PCDHGA10: variants seen among roughly 807,000 people sequenced by gnomAD.
PCDHGA10 encodes protocadherin gamma-A10.
In PCDHGA10, 42 loss-of-function variants were observed where a neutral mutation model predicts 59.5. That is an observed-to-expected ratio of 0.71 (90% CI 0.55 to 0.91). The LOEUF (loss-of-function observed/expected upper bound fraction) is 0.91. PCDHGA10 is among the 40% of genes least tolerant of loss of function. The pLI is 0.00. For missense variants in PCDHGA10, 1,111 were observed against 1,198.2 expected, an observed-to-expected ratio of 0.93 and a Z score of 1.07; for synonymous variants, 511 against 517.2, an observed-to-expected ratio of 0.99 and a Z score of 0.16.
At chr5:141,423,977 G>A in intron 1 of PCDHGA10, 4 of 1,121,548 alleles carry the variant, frequency 3.6e-6, no homozygotes, top group Non-Finnish European at 4.4e-6. Context: ...ATCAGTGTAT[G>A]AGGCTCTCAA....
chr5:141,421,614 T>C (rs552534116), intron 1 of PCDHGA10: 3 of 1,613,810 alleles, frequency 1.9e-6, no homozygotes, highest in South Asian at 2.2e-5. Flanking sequence ...ATATTAATGA[T>C]AACGCCCCCA....
chr5:141,487,633 T>C lies in PCDHGA10; in HGVS notation c.2437-7174T>C. On this transcript the variant is annotated intron_variant, in intron 1 of 3. Transcript: ENST00000398610. The surrounding 1 kb of genome is among the most constrained non-coding windows in gnomAD (Gnocchi z 5.0). ...GGCTAGAGGTGAGACCTTTGCAGGCTCAACAAATGCTTGAGGGTTATTCTG... is the reference window on the plus strand; with the variant it reads ...GGCTAGAGGTGAGACCTTTGCAGGCCCAACAAATGCTTGAGGGTTATTCTG... 3 of 1,614,164 alleles carry C rather than the reference T, an allele frequency of 1.9e-6. No individual in the cohort carries two copies. The highest frequency in any genetic ancestry group is 2.7e-5 in the African/African-American group (2 of 75,052).
intron 2 of PCDHGA10, among the ~76,000 whole-genome samples, chr5:141,495,994 T>C (rs2099765151): frequency 6.6e-6 from 1 of 152,146 alleles, no homozygotes; most frequent in Non-Finnish European, 1.5e-5. Flanking sequence ...ATCTCTCTTT[T>C]TCTTTTATCT....
chr5:141,421,379 AGGACCTGGGGCT>A, intron 1 of PCDHGA10: 1 of 1,614,054 alleles, frequency 6.2e-7, no homozygotes, highest in South Asian at 1.1e-5. Context: ...AATATCTCCA[AGGACCTGGGGCT>A]GGAGCCCCGG....
chr5:141,511,230 C>A lies in PCDHGA10; in HGVS notation c.*57C>A. On this transcript the variant is annotated 3_prime_UTR_variant, in exon 4 of 4. Transcript: ENST00000398610. ...CCTCTCCCCAACCAGCCCAGCTTCT[C>A]CTTACCTGCACCCAGGCCTCAGAGT... 6.3e-7 allele frequency: 1 copy of A among 1,597,914 alleles called. No homozygotes were observed. The highest frequency in any genetic ancestry group is 1.1e-5 in the South Asian group (1 of 89,144).
In PCDHGA10 at chr5:141,413,841, T is replaced by G; in HGVS notation, c.666T>G (p.Gly222=). The G allele has an allele frequency of 6.2e-7, 1 of 1,613,060 alleles. No homozygotes were observed. The highest frequency in any genetic ancestry group is 8.5e-7 in the Non-Finnish European group (1 of 1,179,824). The stretch of plus-strand genomic sequence containing the variant: ...TGGTCCTCACCGCCTCCGACGGGGG[T>G]GACCCTCTCCGATCTGGCACTGTCC... ...HHLVLTASDG[G]DPLRSGTVLV... Residue 222 remains glycine (G), a synonymous_variant, in exon 1 of 4, where the codon GGT becomes GGG. Transcript: ENST00000398610.
chr5:141,487,348 C>T lies in PCDHGA10; in HGVS notation c.2437-7459C>T, dbSNP rs929693998. ...GTGGGGCAGCCTGTGGAGTCACATG[C>T]TTTCCTGCTGGCACCTGTGCCTGTC... On this transcript the variant is annotated intron_variant, in intron 1 of 3. Coordinates refer to ENST00000398610, the MANE Select transcript of PCDHGA10 (RefSeq NM_018913.3). The surrounding 1 kb of genome is among the most constrained non-coding windows in gnomAD (Gnocchi z 5.0). The T allele has an allele frequency of 2.5e-6, 4 of 1,614,080 alleles. No homozygotes were observed. The highest frequency in any genetic ancestry group is 2.2e-5 in the East Asian group (1 of 44,882).
At position 141,511,187 on chromosome 5, in the gene PCDHGA10, C is replaced by T; in HGVS notation, c.*14C>T. The stretch of plus-strand genomic sequence containing the variant: ...GAGAAGAAGTAACATGGAGGCCAGG[C>T]CAAGAGCCACAGGGCGGCCTCTCCC... On this transcript the variant is annotated 3_prime_UTR_variant, in exon 4 of 4. Transcript: ENST00000398610. The T allele has an allele frequency of 1.2e-6, 2 of 1,613,868 alleles. No homozygotes were observed. The highest frequency in any genetic ancestry group is 1.7e-6 in the Non-Finnish European group (2 of 1,179,878).
Position 141,414,982 on chromosome 5 carries a change from G to A in PCDHGA10, c.1807G>A (p.Gly603Ser), listed in dbSNP as rs1415279007. ...TKVVAVDRDS[G>S]QNAWLSYRLL... ...GGTGGTGGCGGTGGACAGAGACTCCGGCCAGAACGCCTGGCTGTCCTACCG... is the reference window on the plus strand; with the variant it reads ...GGTGGTGGCGGTGGACAGAGACTCCAGCCAGAACGCCTGGCTGTCCTACCG... The change falls in exon 1 of 4, where the codon GGC (glycine) becomes AGC (serine). Residue 603 changes from glycine (G) to serine (S), a missense_variant. Physicochemically the swap from Gly to Ser is moderately conservative, Grantham distance 56 (BLOSUM62 0). Coordinates refer to ENST00000398610, the MANE Select transcript of PCDHGA10 (RefSeq NM_018913.3). 3.7e-6 allele frequency: 6 copies of A among 1,613,712 alleles called. No individual in the cohort carries two copies. The highest frequency in any genetic ancestry group is 1.7e-5 in the Admixed American group (1 of 60,010).
intron 1 of PCDHGA10, chr5:141,420,307 A>G (rs2096487660): frequency 1.5e-5 from 22 of 1,459,622 alleles, no homozygotes; most frequent in Non-Finnish European, 1.8e-5. Flanking sequence ...AATCCTTTTT[A>G]TATTACAATA....
At position 141,414,434 on chromosome 5, in the gene PCDHGA10, C is replaced by T. The variant is rs774467993; in HGVS notation, c.1259C>T (p.Ser420Phe). The change falls in exon 1 of 4, where the codon TCC becomes TTC. Residue 420 changes from serine (S) to phenylalanine (F), a missense_variant. Transcript: ENST00000398610. ...AGAGCCCTTGACAGGGAACAGGTAT[C>T]CTCTTACAATATCACAGTGACAGCC... ...IHRALDREQV[S>F]SYNITVTATD... The T allele has an allele frequency of 3.1e-6, 5 of 1,613,704 alleles. No individual in the cohort carries two copies. The highest frequency in any genetic ancestry group is 3.4e-6 in the Non-Finnish European group (4 of 1,179,832).
chr5:141,490,726 AATCAGG>A lies in PCDHGA10; in HGVS notation c.2437-4080_2437-4075del. The A allele has an allele frequency of 6.2e-7, 1 of 1,614,202 alleles. No homozygotes were observed. The highest frequency in any genetic ancestry group is 8.5e-7 in the Non-Finnish European group (1 of 1,180,032). On this transcript the variant is annotated intron_variant, in intron 1 of 3. Transcript: ENST00000398610. This position sits in a 1 kb window ranked among gnomAD's most constrained non-coding sequence, Gnocchi z 5.4. Reference sequence around the variant, plus strand: ...CCGCCTCACCTACTCCATTGTAGGAAATCAGGTTCAGGGAGCCCCAGCCTCCTCCTT... The same window carrying A: ...CCGCCTCACCTACTCCATTGTAGGAATTCAGGGAGCCCCAGCCTCCTCCTT...
chr5:141,433,767 G>T (rs1237334342), intron 1 of PCDHGA10, among the ~76,000 whole-genome samples: 1 of 151,532 alleles, frequency 6.6e-6, no homozygotes, highest in Non-Finnish European at 1.5e-5. Flanking sequence ...AACCTGGGAG[G>T]TGGAGGTTGC....
intron 1 of PCDHGA10, among the ~76,000 whole-genome samples, chr5:141,463,224 G>C (rs1039535501): frequency 6.6e-6 from 1 of 151,958 alleles, no homozygotes; most frequent in Non-Finnish European, 1.5e-5. Context: ...AATATTCCTG[G>C]AGTTCTTTGT....
rs143530538 is a variant in PCDHGA10 at position 141,490,323 on chromosome 5, G to A, written c.2437-4484G>A. 18 of 1,614,102 alleles carry A rather than the reference G, an allele frequency of 1.1e-5. No individual in the cohort carries two copies. Among genetic ancestry groups the A allele is most frequent in the Non-Finnish European group, 1.4e-5 (17 of 1,180,056 alleles). ...CCTCTTTGGCCAACCCTGTCCTAGA[G>A]AGCACACCAGTGGGCACAGTAGTGG... On this transcript the variant is annotated intron_variant, in intron 1 of 3. Transcript: ENST00000398610. This position sits in a 1 kb window ranked among gnomAD's most constrained non-coding sequence, Gnocchi z 5.4.
chr5:141,430,493 C>G (rs1232369484), intron 1 of PCDHGA10: 1 of 285,344 alleles, frequency 3.5e-6, no homozygotes, highest in African/African-American at 2.2e-5. Flanking sequence ...ACGAAATATC[C>G]TTTCTGGGAG....
intron 1 of PCDHGA10, chr5:141,423,769 CATAT>C (rs2096780943): frequency 8.2e-7 from 1 of 1,219,458 alleles, no homozygotes; most frequent in South Asian, 2.2e-5. Context: ...GGTGGGGCGG[CATAT>C]ATTTAGTTCA....
rs540507159 is a variant in PCDHGA10 at position 141,422,671 on chromosome 5, A to G, written c.2436+7060A>G. On this transcript the variant is annotated intron_variant, in intron 1 of 3. Coordinates refer to ENST00000398610, the MANE Select transcript of PCDHGA10 (RefSeq NM_018913.3). The stretch of plus-strand genomic sequence containing the variant: ...CTCAGTGACCGCCCTCGACCCGGAC[A>G]GCAAACAGAATGCCCTGGTCACTTA... 4 of 1,607,248 alleles carry G rather than the reference A, an allele frequency of 2.5e-6. No homozygotes were observed. The Admixed American group carries it at 5.0e-5, about 20-fold the overall frequency.
At position 141,450,007 on chromosome 5, in the gene PCDHGA10, T is replaced by TA. The variant is rs57702245; in HGVS notation, c.2436+34396_2436+34397insA. Among the ~76,000 whole-genome samples the TA allele has an allele frequency of 5.9e-4, 19 of 31,956 alleles. No homozygotes were observed. In the African/African-American group the frequency reaches 7.8e-3, roughly 13 times the overall value. 21.0% of individuals were successfully genotyped at this position (31,956 alleles called of 152,430 possible). A position where few individuals can be genotyped will look rare whatever the true frequency, so the allele number is the denominator to read the frequency against. On this transcript the variant is annotated intron_variant, in intron 1 of 3. Coordinates refer to ENST00000398610, the MANE Select transcript of PCDHGA10 (RefSeq NM_018913.3). Reference sequence around the variant, plus strand: ...ACATTGCATTTAGTTGCCATGTCTCTTTTTTTTTTTTTTTTTTGAGACAGG... The same window carrying TA: ...ACATTGCATTTAGTTGCCATGTCTCTATTTTTTTTTTTTTTTTTGAGACAGG...
Sources: allele counts gnomAD v4.1 joint callset (sites outside exome capture counted in the v4.1 genomes callset), GRCh38; gene constraint gnomAD v4.1.1; non-coding constraint Gnocchi (gnomAD v3.1); transcripts MANE v1.5; gene names NCBI Gene and HGNC (gene_info 2026-07-23, HGNC 2026-07-21).